Variants in PARD3B observed in about 807,000 individuals in gnomAD.
PARD3B encodes the protein partitioning defective 3 homolog B.
A neutral mutation model predicts 130.2 loss-of-function variants in PARD3B; 103 were observed. The ratio of observed to expected loss-of-function variants is 0.79; its 90% CI spans 0.67 to 0.93. The LOEUF is 0.93. PARD3B is among the 40% of genes least tolerant of loss of function. PARD3B has a pLI of 0.00. For missense variants in PARD3B, 1,609 were observed against 1,499.2 expected, an observed-to-expected ratio of 1.07 and a Z score of -1.21; for synonymous variants, 583 against 553.2, an observed-to-expected ratio of 1.05 and a Z score of -0.76.
chr2:204,551,301 C>G (rs191358014), intron 1 of PARD3B, among the ~76,000 whole-genome samples: 2 of 152,318 alleles, frequency 1.3e-5, no homozygotes, highest in African/African-American at 2.4e-5. Context: ...TCTGACAATG[C>G]TGGGCTTTAC....
At chr2:205,332,104 C>CA (rs973972503) in intron 18 of PARD3B, among the ~76,000 whole-genome samples, 3 of 151,086 alleles carry the variant, frequency 2.0e-5, no homozygotes, top group South Asian at 2.1e-4. Flanking sequence ...GACTCGGTCT[C>CA]AAAAAAAAGA....
chr2:205,144,222 G>A (rs1315818801), intron 10 of PARD3B, among the ~76,000 whole-genome samples: 1 of 152,158 alleles, frequency 6.6e-6, no homozygotes, highest in Non-Finnish European at 1.5e-5. Flanking sequence ...GCATGTGGTG[G>A]TCCAAGGAAG....
chr2:204,668,012 A>C (rs2036105385), intron 1 of PARD3B, among the ~76,000 whole-genome samples: 1 of 152,216 alleles, frequency 6.6e-6, no homozygotes, highest in South Asian at 2.1e-4. Flanking sequence ...ATCATTTGAT[A>C]ATAAACCTAC....
intron 1 of PARD3B, among the ~76,000 whole-genome samples, chr2:204,569,374 A>G (rs897708902): frequency 6.6e-6 from 1 of 152,212 alleles, no homozygotes; most frequent in Non-Finnish European, 1.5e-5. Context: ...CAGATAGTAG[A>G]TTTGGATAGC....
At chr2:205,493,046 C>T (rs1341809086) in intron 20 of PARD3B, among the ~76,000 whole-genome samples, 1 of 152,084 alleles carries the variant, frequency 6.6e-6, no homozygotes, top group African/African-American at 2.4e-5. Flanking sequence ...CCATGACTAT[C>T]TGTCTTCAGC....
At chr2:204,939,992 GA>G (rs779110916) in intron 2 of PARD3B, among the ~76,000 whole-genome samples, 3 of 152,148 alleles carry the variant, frequency 2.0e-5, no homozygotes, top group Non-Finnish European at 2.9e-5. Context: ...TTGGTAAGTT[GA>G]AATATTGTAC....
intron 2 of PARD3B, among the ~76,000 whole-genome samples, chr2:204,752,199 G>A (rs2040491521): frequency 6.6e-6 from 1 of 152,112 alleles, no homozygotes; most frequent in Non-Finnish European, 1.5e-5. Context: ...GTGGATTTTG[G>A]AGCTAGGCCC....
chr2:205,216,816 T>C (rs1156679418), intron 15 of PARD3B, among the ~76,000 whole-genome samples: 1 of 152,026 alleles, frequency 6.6e-6, no homozygotes, highest in Admixed American at 6.6e-5. Flanking sequence ...CGTACCAAAC[T>C]GTTGTTGTAA....
chr2:204,703,838 G>A (rs1029417940), intron 2 of PARD3B, among the ~76,000 whole-genome samples: 1 of 152,002 alleles, frequency 6.6e-6, no homozygotes, highest in Non-Finnish European at 1.5e-5. Flanking sequence ...ATATTTTATG[G>A]TAGTAAATTA....
intron 10 of PARD3B, among the ~76,000 whole-genome samples, chr2:205,155,855 G>A (rs996324598): frequency 2.6e-5 from 4 of 152,170 alleles, no homozygotes; most frequent in Non-Finnish European, 2.9e-5. Context: ...CCTTTGAGAA[G>A]TGTCTGTTCA....
At chr2:205,481,207 G>A (rs2049222972) in intron 20 of PARD3B, among the ~76,000 whole-genome samples, 1 of 152,148 alleles carries the variant, frequency 6.6e-6, no homozygotes, top group African/African-American at 2.4e-5. Context: ...AAAAGGAGGG[G>A]CAAGAATTAC....
intron 2 of PARD3B, among the ~76,000 whole-genome samples, chr2:204,902,305 G>A (rs893631851): frequency 6.6e-6 from 1 of 152,102 alleles, no homozygotes; most frequent in African/African-American, 2.4e-5. Context: ...GTTGAGACTC[G>A]AGATTAAAAT....
intron 20 of PARD3B, among the ~76,000 whole-genome samples, chr2:205,486,043 C>T (rs2049427576): frequency 6.6e-6 from 1 of 152,120 alleles, no homozygotes; most frequent in Non-Finnish European, 1.5e-5. Flanking sequence ...CCTTTGCATC[C>T]CTAAGGCCAC....
chr2:205,167,173 T>G (rs2034867085), intron 11 of PARD3B, among the ~76,000 whole-genome samples: 1 of 152,122 alleles, frequency 6.6e-6, no homozygotes, highest in Non-Finnish European at 1.5e-5. Context: ...ACATTGCCAG[T>G]AATCATGGCA....
intron 18 of PARD3B, among the ~76,000 whole-genome samples, chr2:205,344,893 T>C (rs1161987997): frequency 1.3e-5 from 2 of 152,208 alleles, no homozygotes; most frequent in African/African-American, 4.8e-5. Flanking sequence ...GTCTGAAAGT[T>C]GGGTAACGAG....
intron 18 of PARD3B, among the ~76,000 whole-genome samples, chr2:205,333,446 A>G (rs567222261): frequency 6.6e-6 from 1 of 152,268 alleles, no homozygotes; most frequent in African/African-American, 2.4e-5. Context: ...AATGTGCCTA[A>G]TAGAAAATTA....
chr2:205,179,847 G>GA (rs1245403982), intron 13 of PARD3B, among the ~76,000 whole-genome samples: 2 of 151,016 alleles, frequency 1.3e-5, no homozygotes, highest in African/African-American at 4.9e-5. Flanking sequence ...GATACATCCA[G>GA]AAAACAAAAA....
chr2:204,705,616 C>T (rs1043372447), intron 2 of PARD3B, among the ~76,000 whole-genome samples: 3 of 152,164 alleles, frequency 2.0e-5, no homozygotes, highest in African/African-American at 7.2e-5. Context: ...ATATTAACTT[C>T]TATTTAATAG....
intron 4 of PARD3B, among the ~76,000 whole-genome samples, chr2:205,054,769 C>T (rs1445493378): frequency 6.6e-6 from 1 of 151,958 alleles, no homozygotes; most frequent in African/African-American, 2.4e-5. Flanking sequence ...AGACATGGTT[C>T]CTGTCCTCAA....
Sources: gnomAD v4.1 joint callset for allele counts (sites outside exome capture counted in the v4.1 genomes callset) on GRCh38, gnomAD v4.1.1 for gene constraint, MANE v1.5 for transcripts, NCBI Gene and HGNC (gene_info 2026-07-23, HGNC 2026-07-21) for gene names.